SCP2: variants seen among roughly 807,000 people sequenced by gnomAD.
SCP2 encodes the protein sterol carrier protein 2.
SCP2 carries 48 observed loss-of-function variants against 71.4 expected under a neutral mutation model. That is an observed-to-expected ratio of 0.67 (90% CI 0.53 to 0.86). The LOEUF (loss-of-function observed/expected upper bound fraction) is 0.86. Ranked by LOEUF, SCP2 falls within the 40% of genes least tolerant of loss-of-function variation. The pLI is 0.00. For synonymous variants in SCP2, 220 were observed against 218.1 expected (o/e 1.01, Z -0.08); for missense variants, 560 against 655.6 (o/e 0.85, Z 1.59).
chr1:52,957,477 AC>A (rs1655932383), intron 5 of SCP2, among the ~76,000 whole-genome samples: 2 of 152,232 alleles, frequency 1.3e-5, no homozygotes. Context: ...TGCCAAAAAA[AC>A]AAAACAAAAC....
chr1:52,965,041 A>G (rs1307412961), intron 6 of SCP2, among the ~76,000 whole-genome samples: 3 of 152,112 alleles, frequency 2.0e-5, no homozygotes, highest in South Asian at 2.1e-4. Context: ...ACAAACAACA[A>G]CAACAAAATT....
intron 13 of SCP2, among the ~76,000 whole-genome samples, chr1:53,028,512 G>T (rs1423063141): frequency 6.6e-6 from 1 of 151,850 alleles, no homozygotes; most frequent in African/African-American, 2.4e-5. Context: ...ATTGTGTTTT[G>T]ATTTCTTAAA....
chr1:53,034,054 A>G (rs1662745314), intron 13 of SCP2, among the ~76,000 whole-genome samples: 1 of 152,148 alleles, frequency 6.6e-6, no homozygotes, highest in Non-Finnish European at 1.5e-5. Context: ...ACTCGAGGTC[A>G]GGAGTTTGAG....
intron 14 of SCP2, among the ~76,000 whole-genome samples, chr1:53,046,464 C>A (rs968303744): frequency 2.6e-5 from 4 of 151,342 alleles, no homozygotes; most frequent in African/African-American, 9.7e-5. Context: ...ATTTGGAGAT[C>A]TTCTTTTATA....
intron 3 of SCP2, among the ~76,000 whole-genome samples, chr1:52,948,309 T>C (rs1654984504): frequency 6.6e-6 from 1 of 152,242 alleles, no homozygotes; most frequent in African/African-American, 2.4e-5. Flanking sequence ...ATTTTTCTTT[T>C]GGTGACTATT....
At chr1:53,019,986 A>C (rs1661603556) in intron 12 of SCP2, among the ~76,000 whole-genome samples, 1 of 152,178 alleles carries the variant, frequency 6.6e-6, no homozygotes, top group African/African-American at 2.4e-5. Context: ...TCCTGGGTTC[A>C]TGCAATTCTT....
At chr1:53,007,010 G>A (rs1003516090) in intron 11 of SCP2, among the ~76,000 whole-genome samples, 89 of 151,940 alleles carry the variant, frequency 5.9e-4, no homozygotes, top group Middle Eastern at 3.4e-3. Context: ...ACTTTAAACC[G>A]ACAAAGATCA....
Position 52,927,435 on chromosome 1 carries a change from G to A in SCP2, c.39G>A (p.Arg13=). The change falls in exon 1 of 16, where the codon CGG becomes CGA. Residue 13 remains arginine (R), a synonymous_variant. Transcript: ENST00000371514. ...SSPWEPATLR[R]VFVVGVGMTK... ...CGTGGGAGCCTGCGACCCTGCGCCG[G>A]GTGTTCGTGGTGGGGGTTGGCATGA... The A allele has an allele frequency of 6.2e-7, 1 of 1,602,546 alleles. No individual in the cohort carries two copies. The highest frequency in any genetic ancestry group is 1.1e-5 in the South Asian group (1 of 88,266).
intron 8 of SCP2, 38 bp downstream of exon 8, chr1:52,976,807 A>T: frequency 4.8e-6 from 5 of 1,033,750 alleles, no homozygotes; most frequent in Non-Finnish European, 7.7e-6. Context: ...TGAGGGAAGT[A>T]ACTGCTGCCC....
intron 12 of SCP2, among the ~76,000 whole-genome samples, chr1:53,018,038 A>C (rs776277881): frequency 1.3e-5 from 2 of 152,090 alleles, no homozygotes; most frequent in African/African-American, 4.8e-5. Flanking sequence ...TATTTGTAGT[A>C]AAGACAGGGT....
chr1:53,042,922 T>G (rs1361428100), intron 14 of SCP2, among the ~76,000 whole-genome samples: 1 of 152,206 alleles, frequency 6.6e-6, no homozygotes, highest in Non-Finnish European at 1.5e-5. Context: ...CCATGAGTTC[T>G]GCCTTTCCCT....
intron 5 of SCP2, among the ~76,000 whole-genome samples, chr1:52,956,176 C>T (rs530396601): frequency 3.3e-5 from 5 of 152,150 alleles, no homozygotes; most frequent in Middle Eastern, 3.4e-3. Flanking sequence ...TGGTGATATG[C>T]GCCCGTAATC....
intron 11 of SCP2, among the ~76,000 whole-genome samples, chr1:53,014,200 C>T (rs542305746): frequency 6.6e-6 from 1 of 151,932 alleles, no homozygotes; most frequent in Admixed American, 6.6e-5. Context: ...CCACCGCGCC[C>T]GGCCCTGATA....
At chr1:52,935,267 A>C (rs1320131626) in intron 1 of SCP2, among the ~76,000 whole-genome samples, 2 of 151,096 alleles carry the variant, frequency 1.3e-5, no homozygotes, top group South Asian at 4.2e-4. Context: ...ACTCCGTTTC[A>C]AAAAAATAAA....
intron 13 of SCP2, among the ~76,000 whole-genome samples, chr1:53,034,881 G>A (rs575561803): frequency 2.0e-5 from 3 of 152,190 alleles, no homozygotes; most frequent in Admixed American, 1.3e-4. Context: ...CGAGGCAGGC[G>A]GATCATGAGG....
intron 6 of SCP2, among the ~76,000 whole-genome samples, chr1:52,969,396 C>T (rs1441517295): frequency 6.6e-6 from 1 of 151,936 alleles, no homozygotes; most frequent in African/African-American, 2.4e-5. Flanking sequence ...ATAGTCTCAG[C>T]TACTTGGGAA....
At chr1:53,004,585 G>A (rs913800304) in intron 11 of SCP2, among the ~76,000 whole-genome samples, 11 of 152,126 alleles carry the variant, frequency 7.2e-5, no homozygotes, top group African/African-American at 2.2e-4. Context: ...CCACCCTTGC[G>A]ATAATGTATT....
chr1:53,008,647 T>G (rs1173553119), intron 11 of SCP2, among the ~76,000 whole-genome samples: 1 of 152,184 alleles, frequency 6.6e-6, no homozygotes, highest in Non-Finnish European at 1.5e-5. Context: ...ATAAGAGCTA[T>G]TTATGACAAA....
intron 9 of SCP2, among the ~76,000 whole-genome samples, chr1:52,979,973 CT>C (rs1557581941): frequency 7.3e-6 from 1 of 136,988 alleles, no homozygotes; most frequent in African/African-American, 2.7e-5. Context: ...TTCTTCTCTT[CT>C]TTTTTTGTTT....
Sources: allele counts gnomAD v4.1 joint callset (sites outside exome capture counted in the v4.1 genomes callset), GRCh38; gene constraint gnomAD v4.1.1; transcripts MANE v1.5; gene names NCBI Gene and HGNC (gene_info 2026-07-23, HGNC 2026-07-21).